The following HSD17B11 variants were observed in gnomAD, a reference collection of about 807,000 sequenced individuals.
HSD17B11 encodes the protein hydroxysteroid 17-beta dehydrogenase 11.
A neutral mutation model predicts 27.8 loss-of-function variants in HSD17B11; 22 were observed. That is an observed-to-expected ratio of 0.79 (90% CI 0.56 to 1.13). The LOEUF is 1.13. HSD17B11 is among the 50% of genes most tolerant of loss of function. The pLI, the probability that HSD17B11 is intolerant of heterozygous loss-of-function variation, is 0.00. For missense variants in HSD17B11, 314 were observed against 351.1 expected (o/e 0.89, Z 0.84); for synonymous variants, 117 against 132.8 (o/e 0.88, Z 0.82).
intron 5 of HSD17B11, chr4:87,345,319 G>A (rs1735250472): frequency 6.6e-6 from 1 of 151,938 alleles, no homozygotes; most frequent in African/African-American, 2.4e-5. Flanking sequence ...TGAAAGCAGT[G>A]CTCAGAGGCA....
intron 1 of HSD17B11, among the ~76,000 whole-genome samples, chr4:87,388,995 A>G (rs969788516): frequency 1.3e-5 from 2 of 152,312 alleles, no homozygotes; most frequent in East Asian, 1.9e-4. Flanking sequence ...GCATTATCTC[A>G]TATCATACTG....
At position 87,362,184 on chromosome 4, in the gene HSD17B11, C is replaced by T. The variant is rs141076398; in HGVS notation, c.558-4768G>A. 1.5e-3 allele frequency among the ~76,000 whole-genome samples: 236 copies of T among 152,312 alleles called. 1 individual carries two copies. Among genetic ancestry groups the T allele is most frequent in the Non-Finnish European group, 2.8e-3 (190 of 68,022 alleles). On this transcript the variant is annotated intron_variant, in intron 4 of 6. Transcript: ENST00000358290. ...ATAAAAGGCAAGGACACTTGACTGA[C>T]GTCAAGTTAGAGGCCTGACTTAGGA...
chr4:87,383,098 T>C (rs1720216486), intron 1 of HSD17B11, among the ~76,000 whole-genome samples: 2 of 152,170 alleles, frequency 1.3e-5, no homozygotes, highest in Admixed American at 1.3e-4. Context: ...TTCACTTGCT[T>C]TCCCCAGGGT....
At chr4:87,379,114 T>C (rs1023183331) in intron 2 of HSD17B11, among the ~76,000 whole-genome samples, 1 of 147,998 alleles carries the variant, frequency 6.8e-6, no homozygotes, top group Non-Finnish European at 1.5e-5. Flanking sequence ...CCTGCCATCA[T>C]GCCCAGCTAA....
rs1407562670 is a variant in HSD17B11, at chr4:87,357,200, T to G, written c.695+79A>C. 4 of 1,418,816 alleles carry G rather than the reference T, an allele frequency of 2.8e-6. No individual in the cohort carries two copies. The African/African-American group carries it at 4.4e-5, about 16-fold the overall frequency. 87.9% of individuals were successfully genotyped at this position (1,418,816 alleles called of 1,614,324 possible). A position where few individuals can be genotyped will look rare whatever the true frequency, so the allele number is the denominator to read the frequency against. ...TTTAACTATCAGGTGTTTTCAGGAT[T>G]AAAACATTTAGGAAAACCCACAGAA... On this transcript the variant is annotated intron_variant, in intron 5 of 6. Transcript: ENST00000358290.
chr4:87,381,075 C>G (rs1720151364), intron 2 of HSD17B11, among the ~76,000 whole-genome samples: 1 of 148,186 alleles, frequency 6.7e-6, no homozygotes, highest in Non-Finnish European at 1.5e-5. Flanking sequence ...ATCACAGCTA[C>G]TAGGGAGGCT....
Position 87,390,854 on chromosome 4 carries a change from C to G in HSD17B11, c.210+7G>C. ...ACCAGAAAGTAAAACATAGTAAACA[C>G]TGTTACCTTATTTATATCCCAGAGA... On this transcript the variant is annotated splice_region_variant and intron_variant, in intron 1 of 6. Transcript: ENST00000358290. 6.2e-7 allele frequency: 1 copy of G among 1,612,446 alleles called. No individual in the cohort carries two copies.
chr4:87,374,994 A>T (rs187958977), intron 2 of HSD17B11, among the ~76,000 whole-genome samples, 164 bp from the exon 3 acceptor site: 1 of 152,104 alleles, frequency 6.6e-6, no homozygotes, highest in African/African-American at 2.4e-5. Context: ...CCCGGGTTCA[A>T]GAGATTCTCT....
At chr4:87,374,975 C>T (rs771012266) in intron 2 of HSD17B11, 145 bp from the exon 3 acceptor site, 2 of 507,548 alleles carry the variant, frequency 3.9e-6, no homozygotes, top group African/African-American at 2.0e-5. Context: ...CTCACTGCAA[C>T]CTCCACCTCC....
chr4:87,370,775 C>T (rs559296502), intron 4 of HSD17B11, among the ~76,000 whole-genome samples: 21 of 95,398 alleles, frequency 2.2e-4, no homozygotes, highest in Admixed American at 4.9e-4. Context: ...TTTTTTGAGA[C>T]GGAGTCTCGC....
At chr4:87,383,519 AG>A (rs1440169604) in intron 1 of HSD17B11, among the ~76,000 whole-genome samples, 15 of 152,238 alleles carry the variant, frequency 9.9e-5, no homozygotes, top group African/African-American at 3.4e-4. Flanking sequence ...TGAGTAGATG[AG>A]GAAGGATGGG....
intron 4 of HSD17B11, among the ~76,000 whole-genome samples, chr4:87,359,031 T>C (rs1735454880): frequency 6.6e-6 from 1 of 152,162 alleles, no homozygotes; most frequent in Non-Finnish European, 1.5e-5. Flanking sequence ...TGTTTGGCAG[T>C]TCGTCTCTTG....
chr4:87,362,832 C>T (rs1578039105), intron 4 of HSD17B11, among the ~76,000 whole-genome samples: 1 of 152,216 alleles, frequency 6.6e-6, no homozygotes, highest in Non-Finnish European at 1.5e-5. Flanking sequence ...TTCAGTGTTG[C>T]TGCAATAGGT....
At chr4:87,370,913 C>A (rs1234335084) in intron 4 of HSD17B11, among the ~76,000 whole-genome samples, 1 of 122,314 alleles carries the variant, frequency 8.2e-6, no homozygotes, top group African/African-American at 3.8e-5. Context: ...CTACCACGCC[C>A]GGCTAATTTT....
chr4:87,382,180 T>C (rs1720189207), intron 2 of HSD17B11, 75 bp downstream of exon 2: 7 of 1,058,628 alleles, frequency 6.6e-6, no homozygotes, highest in South Asian at 3.9e-5. Context: ...ATCTATATCA[T>C]GTACAGACTG....
chr4:87,365,978 T>G (rs918723340), intron 4 of HSD17B11: 75 of 152,348 alleles, frequency 4.9e-4, no homozygotes, highest in African/African-American at 1.6e-3. Context: ...TGTCTCAGCC[T>G]CCCAGGTAGC....
intron 1 of HSD17B11, 113 bp from the exon 2 acceptor site, chr4:87,382,475 A>G (rs749296119): frequency 3.0e-5 from 19 of 641,618 alleles, no homozygotes; most frequent in Non-Finnish European, 4.7e-5. Context: ...TTCCATTTGA[A>G]TTGGGCAAGA....
intron 4 of HSD17B11, among the ~76,000 whole-genome samples, chr4:87,360,139 G>GT (rs11409719): frequency 0.58 from 88,157 of 151,870 alleles, 25,829 homozygotes; most frequent in African/African-American, 0.64. Context: ...TTTCATCTGA[G>GT]TTTTTTTCAA....
At chr4:87,376,967 T>C (rs1560768317) in intron 2 of HSD17B11, among the ~76,000 whole-genome samples, 2 of 151,444 alleles carry the variant, frequency 1.3e-5, no homozygotes, top group Non-Finnish European at 1.5e-5. Flanking sequence ...GCATCTCTAT[T>C]GAAAACACAA....
Sources: gnomAD v4.1 joint callset for allele counts (sites outside exome capture counted in the v4.1 genomes callset) on GRCh38, gnomAD v4.1.1 for gene constraint, MANE v1.5 for transcripts, NCBI Gene and HGNC (gene_info 2026-07-23, HGNC 2026-07-21) for gene names.